Variants in CSMD2 observed in about 807,000 individuals in gnomAD.
CSMD2 encodes CUB and Sushi multiple domains 2.
In CSMD2, 130 loss-of-function variants were observed where a neutral mutation model predicts 398.5. The observed-to-expected ratio is 0.33, with a 90% CI of 0.28 to 0.38. The LOEUF (loss-of-function observed/expected upper bound fraction) is 0.38. Among genes scored for constraint, CSMD2 ranks in the 10% least tolerant of loss-of-function variants. CSMD2 has a pLI of 1.00. For missense variants in CSMD2, 3,829 were observed against 4,764.9 expected (o/e 0.80, Z 5.78); for synonymous variants, 1,828 against 1,908.5 (o/e 0.96, Z 1.10).
At chr1:34,110,530 T>C (rs573070511) in intron 1 of CSMD2, among the ~76,000 whole-genome samples, 6 of 151,552 alleles carry the variant, frequency 4.0e-5, no homozygotes, top group Non-Finnish European at 7.4e-5. Context: ...AAAACCAAGA[T>C]CATGTCTCTT....
intron 24 of CSMD2, 83 bp from the exon 25 acceptor site, chr1:33,693,139 C>A: frequency 6.9e-7 from 1 of 1,449,438 alleles, no homozygotes; most frequent in Non-Finnish European, 9.2e-7. Flanking sequence ...TGCCTGTTTG[C>A]TCTTGAGTCC....
chr1:34,001,515 G>A (rs1349619254), intron 3 of CSMD2, among the ~76,000 whole-genome samples: 1 of 152,202 alleles, frequency 6.6e-6, no homozygotes, highest in East Asian at 1.9e-4. Context: ...AGCTTAAGAG[G>A]TGTATACTCA....
chr1:33,974,110 T>C (rs1170406459), intron 3 of CSMD2, among the ~76,000 whole-genome samples: 2 of 152,212 alleles, frequency 1.3e-5, no homozygotes, highest in Non-Finnish European at 2.9e-5. Context: ...TTTCTTTGTG[T>C]GTGTTTTCAT....
At chr1:33,972,676 T>C (rs1645815257) in intron 3 of CSMD2, among the ~76,000 whole-genome samples, 1 of 152,186 alleles carries the variant, frequency 6.6e-6, no homozygotes, top group Non-Finnish European at 1.5e-5. Context: ...TATTCTCCCC[T>C]AGAGCCTCCA....
intron 2 of CSMD2, among the ~76,000 whole-genome samples, chr1:34,044,579 G>T (rs1652261911): frequency 6.6e-6 from 1 of 152,138 alleles, no homozygotes; most frequent in Non-Finnish European, 1.5e-5. Flanking sequence ...TATCTTGAAA[G>T]TTCTGAAACC....
rs766046083 is a variant in CSMD2 at position 33,864,732 on chromosome 1, A to G, written c.921-17736T>C. The G allele has an allele frequency of 2.5e-6, 4 of 1,610,756 alleles. No homozygotes were observed. The South Asian group carries it at 4.4e-5, about 18-fold the overall frequency. Reference sequence around the variant, plus strand: ...GTCAGCTAGAAACCGGTGCAGAGGGAAAAGAGTCAGGCAGAGCTGATGGAT... The same window carrying G: ...GTCAGCTAGAAACCGGTGCAGAGGGGAAAGAGTCAGGCAGAGCTGATGGAT... On this transcript the variant is annotated intron_variant, in intron 5 of 70. Coordinates refer to ENST00000373381, the MANE Select transcript of CSMD2 (RefSeq NM_001281956.2).
intron 1 of CSMD2, among the ~76,000 whole-genome samples, chr1:34,137,794 A>G (rs1308054490): frequency 6.6e-6 from 1 of 152,232 alleles, no homozygotes; most frequent in Non-Finnish European, 1.5e-5. Context: ...TCTATTTGAC[A>G]CCTAATTTCA....
intron 9 of CSMD2, among the ~76,000 whole-genome samples, chr1:33,812,318 ACCT>A (rs1347782543): frequency 1.3e-5 from 2 of 151,908 alleles, no homozygotes; most frequent in Non-Finnish European, 2.9e-5. Context: ...CAGGTCTGTT[ACCT>A]CCTTTTTGTT....
intron 5 of CSMD2, among the ~76,000 whole-genome samples, chr1:33,907,115 CTTTTTTTTTTT>C (rs59706894): frequency 4.5e-5 from 4 of 89,000 alleles, no homozygotes; most frequent in Non-Finnish European, 8.3e-5. Context: ...TGATGATTAT[CTTTTTTTTTTT>C]TTTTTTTTTT....
chr1:33,941,327 TTATTATAATG>T (rs1413997192), intron 3 of CSMD2, among the ~76,000 whole-genome samples: 6 of 152,372 alleles, frequency 3.9e-5, no homozygotes, highest in Non-Finnish European at 8.8e-5. Context: ...TTTGGTTCCC[TTATTATAATG>T]AAGAGTCATT....
At chr1:33,984,346 A>G (rs901487562) in intron 3 of CSMD2, among the ~76,000 whole-genome samples, 1 of 152,040 alleles carries the variant, frequency 6.6e-6, no homozygotes, top group African/African-American at 2.4e-5. Context: ...AACAGGTTCT[A>G]TTTCACTCGG....
chr1:33,590,290 T>TA (rs1291544751), intron 44 of CSMD2, among the ~76,000 whole-genome samples: 1 of 124,156 alleles, frequency 8.1e-6, no homozygotes, highest in Non-Finnish European at 1.6e-5. Flanking sequence ...CCTGGCTAAT[T>TA]AAAATTTTTT....
At chr1:33,770,644 C>A (rs952721889) in intron 13 of CSMD2, among the ~76,000 whole-genome samples, 1 of 152,228 alleles carries the variant, frequency 6.6e-6, no homozygotes, top group Non-Finnish European at 1.5e-5. Flanking sequence ...CTGGGGATGT[C>A]ATCCTGCTCT....
chr1:33,650,660 A>G (rs999422309), intron 28 of CSMD2, among the ~76,000 whole-genome samples: 3 of 152,172 alleles, frequency 2.0e-5, no homozygotes, highest in Admixed American at 6.5e-5. Flanking sequence ...GGGCCATGAT[A>G]GGATTTAAAA....
At chr1:34,121,133 G>A (rs1254194556) in intron 1 of CSMD2, among the ~76,000 whole-genome samples, 1 of 152,190 alleles carries the variant, frequency 6.6e-6, no homozygotes, top group Admixed American at 6.5e-5. Flanking sequence ...AATAGTTGTT[G>A]AATGAATGAG....
intron 4 of CSMD2, among the ~76,000 whole-genome samples, chr1:33,931,037 AG>A (rs1644296575): frequency 6.6e-6 from 1 of 152,222 alleles, no homozygotes; most frequent in Non-Finnish European, 1.5e-5. Context: ...GGACTTAAAG[AG>A]ATTGTCACTC....
intron 5 of CSMD2, chr1:33,863,914 G>T: frequency 2.8e-6 from 1 of 355,562 alleles, no homozygotes; most frequent in Non-Finnish European, 5.1e-6. Context: ...TTCATGAGAG[G>T]CAAACATTGA....
Position 33,636,666 on chromosome 1 carries a change from A to C in CSMD2, c.4775-112T>G, listed in dbSNP as rs1345926595. ...CCGACTTTAATTAGCCACAGAGCACACGGGGATGCGTGACTGTGGCTCCTA... is the reference window on the plus strand; with the variant it reads ...CCGACTTTAATTAGCCACAGAGCACCCGGGGATGCGTGACTGTGGCTCCTA... On this transcript the variant is annotated intron_variant, in intron 29 of 70. Coordinates refer to ENST00000373381, the MANE Select transcript of CSMD2 (RefSeq NM_001281956.2). This position sits in a 1 kb window ranked among gnomAD's most constrained non-coding sequence, Gnocchi z 4.8. 5.0e-6 allele frequency: 4 copies of C among 799,906 alleles called. No individual in the cohort carries two copies. The highest frequency in any genetic ancestry group is 2.4e-4 in the Middle Eastern group (1 of 4,254). The allele number at this position is 799,906 out of a possible 1,614,324, so 49.6% of individuals were successfully genotyped here.
chr1:34,126,484 TG>T (rs1437129123), intron 1 of CSMD2, among the ~76,000 whole-genome samples: 1 of 152,168 alleles, frequency 6.6e-6, no homozygotes, highest in Non-Finnish European at 1.5e-5. Flanking sequence ...AAGCATTTCA[TG>T]GGGGGCCCAG....
Sources: gnomAD v4.1 joint callset for allele counts (sites outside exome capture counted in the v4.1 genomes callset) on GRCh38, gnomAD v4.1.1 for gene constraint, Gnocchi (gnomAD v3.1) non-coding constraint, MANE v1.5 for transcripts, NCBI Gene and HGNC (gene_info 2026-07-23, HGNC 2026-07-21) for gene names.